The following PTPRT variants were observed in gnomAD, a reference collection of about 807,000 sequenced individuals.
PTPRT encodes protein tyrosine phosphatase receptor type T, also known as receptor-type tyrosine-protein phosphatase T.
A neutral mutation model predicts 176.8 loss-of-function variants in PTPRT; 56 were observed. That is an observed-to-expected ratio of 0.32 (90% confidence interval 0.26 to 0.40). The LOEUF (loss-of-function observed/expected upper bound fraction) is 0.40. Ranked by LOEUF, PTPRT falls within the 10% of genes least tolerant of loss-of-function variation. PTPRT has a pLI of 1.00. For missense variants in PTPRT, 1,540 were observed against 1,908.2 expected, an observed-to-expected ratio of 0.81 and a Z score of 3.60; for synonymous variants, 783 against 739.0, an observed-to-expected ratio of 1.06 and a Z score of -0.96.
chr20:42,128,462 C>G (rs996911683), intron 19 of PTPRT, among the ~76,000 whole-genome samples: 1 of 151,814 alleles, frequency 6.6e-6, no homozygotes, highest in Non-Finnish European at 1.5e-5. Context: ...AATGGCCATG[C>G]GTTTATGTGA....
In PTPRT at chr20:42,136,232, CTTTTTTTTTTTTT is replaced by C. The variant is rs397864699; in HGVS notation, c.2770+5670_2770+5682del. On this transcript the variant is annotated intron_variant, in intron 18 of 30. Transcript: ENST00000373187. ...GCACTACAGAGGGTAAAGAACAGTG[CTTTTTTTTTTTTT>C]TTTTTTTTTTTTCAGAGAAAAGAGA... 4.7e-3 allele frequency among the ~76,000 whole-genome samples: 294 copies of C among 63,062 alleles called. 3 individuals carry two copies. Among genetic ancestry groups the C allele is most frequent in the Admixed American group, 0.011 (43 of 3,932 alleles). 41.4% of individuals were successfully genotyped at this position (63,062 alleles called of 152,430 possible).
intron 15 of PTPRT, among the ~76,000 whole-genome samples, chr20:42,210,959 T>A (rs1486279139): frequency 6.6e-6 from 1 of 151,408 alleles, no homozygotes; most frequent in Non-Finnish European, 1.5e-5. Context: ...TATAGATCAA[T>A]GGAACAGAAC....
intron 1 of PTPRT, among the ~76,000 whole-genome samples, chr20:43,152,010 A>G (rs2014371035): frequency 1.3e-5 from 2 of 152,238 alleles, no homozygotes; most frequent in African/African-American, 4.8e-5. Flanking sequence ...AATAGTATAA[A>G]GAATTTGGAG....
chr20:42,418,807 G>C (rs2059089328), intron 9 of PTPRT, among the ~76,000 whole-genome samples: 1 of 152,098 alleles, frequency 6.6e-6, no homozygotes, highest in Admixed American at 6.5e-5. Flanking sequence ...CCACAGGAGA[G>C]GCTGTCCTGG....
chr20:43,120,082 T>G (rs2013200053), intron 1 of PTPRT, among the ~76,000 whole-genome samples: 1 of 152,254 alleles, frequency 6.6e-6, no homozygotes, highest in East Asian at 1.9e-4. Flanking sequence ...GCTGGGATTA[T>G]AGGTGTGAGA....
chr20:42,332,174 C>T (rs757295167), intron 11 of PTPRT, among the ~76,000 whole-genome samples: 1 of 152,026 alleles, frequency 6.6e-6, no homozygotes, highest in African/African-American at 2.4e-5. Context: ...ATGTCTCCTG[C>T]TTGTTCAGGT....
At chr20:43,061,990 A>T (rs1446072156) in intron 1 of PTPRT, among the ~76,000 whole-genome samples, 1 of 152,232 alleles carries the variant, frequency 6.6e-6, no homozygotes, top group African/African-American at 2.4e-5. Flanking sequence ...GCAAAAGCAG[A>T]TGAACACAAA....
chr20:42,924,874 C>A (rs147843152), intron 1 of PTPRT, among the ~76,000 whole-genome samples: 1 of 152,164 alleles, frequency 6.6e-6, no homozygotes, highest in South Asian at 2.1e-4. Flanking sequence ...GCTTGTTAAA[C>A]GCAGATTCTT....
chr20:42,860,824 C>G (rs1212352671), intron 2 of PTPRT, among the ~76,000 whole-genome samples: 4 of 152,072 alleles, frequency 2.6e-5, no homozygotes, highest in Non-Finnish European at 5.9e-5. Context: ...AACTTTATGC[C>G]ATAATTATAT....
At position 42,102,192 on chromosome 20, in the gene PTPRT, G is replaced by A. The variant is rs914506046; in HGVS notation, c.3646C>T (p.Arg1216Cys). The A allele has an allele frequency of 5.6e-6, 9 of 1,614,044 alleles. No homozygotes were observed. Among genetic ancestry groups the A allele is most frequent in the Non-Finnish European group, 5.9e-6 (7 of 1,180,022 alleles). ...ACTGAGATAAGGAAGGGCAGGCAGC[G>A]GTCCAGAGGCAGCACGTCCATACTT... ...NRSMDVLPLD[R>C]CLPFLISVDG... is the part of the protein sequence containing the mutation. Residue 1216 changes from arginine to cysteine, a missense_variant, in exon 26 of 31, where the codon CGC (arginine) becomes TGC (cysteine). By Grantham distance (180) the Arg-to-Cys change is radical. Coordinates refer to ENST00000373187, the MANE Select transcript of PTPRT (RefSeq NM_007050.6).
At chr20:43,125,836 A>T (rs1418459303) in intron 1 of PTPRT, among the ~76,000 whole-genome samples, 2 of 152,214 alleles carry the variant, frequency 1.3e-5, no homozygotes, top group Admixed American at 6.5e-5. Context: ...GAACTTGCTG[A>T]TTACATTTTG....
At chr20:43,000,151 C>A (rs912380702) in intron 1 of PTPRT, among the ~76,000 whole-genome samples, 9 of 151,784 alleles carry the variant, frequency 5.9e-5, no homozygotes, top group Non-Finnish European at 1.2e-4. Flanking sequence ...AATACCCAAC[C>A]CTTTCTTCTT....
chr20:42,054,088 A>G, the PTPRT span, among the ~76,000 whole-genome samples: 1 of 152,328 alleles, frequency 6.6e-6, no homozygotes, highest in Non-Finnish European at 1.5e-5. Context: ...GAATTGCCAC[A>G]GAGAGGCCTT....
intron 1 of PTPRT, among the ~76,000 whole-genome samples, chr20:43,109,118 C>T (rs1156576563): frequency 6.6e-6 from 1 of 152,112 alleles, no homozygotes; most frequent in Non-Finnish European, 1.5e-5. Context: ...GTTTTCCTTG[C>T]TCTCCAGGAC....
At chr20:42,830,575 T>A (rs1018761905) in intron 2 of PTPRT, among the ~76,000 whole-genome samples, 1 of 152,092 alleles carries the variant, frequency 6.6e-6, no homozygotes, top group African/African-American at 2.4e-5. Flanking sequence ...CTATTCAACA[T>A]AGCATTGGAA....
At chr20:43,003,533 G>A (rs1288905291) in intron 1 of PTPRT, among the ~76,000 whole-genome samples, 1 of 152,122 alleles carries the variant, frequency 6.6e-6, no homozygotes, top group Non-Finnish European at 1.5e-5. Context: ...TTAGAACCTT[G>A]CTACACAAAA....
intron 1 of PTPRT, among the ~76,000 whole-genome samples, chr20:43,122,181 C>T (rs1250364558): frequency 6.6e-6 from 1 of 152,152 alleles, no homozygotes; most frequent in Non-Finnish European, 1.5e-5. Flanking sequence ...GGATGCCAGC[C>T]CAGGGACCAC....
chr20:42,096,241 G>A (rs1300685277), intron 27 of PTPRT, among the ~76,000 whole-genome samples: 1 of 152,132 alleles, frequency 6.6e-6, no homozygotes, highest in Non-Finnish European at 1.5e-5. Flanking sequence ...TACCTGCACT[G>A]ATCCCCAGAC....
rs145553098 is a variant in PTPRT, at chr20:42,449,787, T to A, written c.1451-1458A>T. The stretch of plus-strand genomic sequence containing the variant: ...CTTTGTTAAATTAAAATATGTTTAG[T>A]TTTGCTCATTATGGACATGCTATAC... On this transcript the variant is annotated intron_variant, in intron 8 of 30. Transcript: ENST00000373187. 5.4e-4 allele frequency among the ~76,000 whole-genome samples: 82 copies of A among 152,328 alleles called. No individual in the cohort carries two copies. In the East Asian group the frequency reaches 0.011, roughly 20 times the overall value.
Sources: gnomAD v4.1 joint callset for allele counts (sites outside exome capture counted in the v4.1 genomes callset) on GRCh38, gnomAD v4.1.1 for gene constraint, MANE v1.5 for transcripts, NCBI Gene and HGNC (gene_info 2026-07-23, HGNC 2026-07-21) for gene names.